The following AKAP13 variants were observed in gnomAD, a reference collection of about 807,000 sequenced individuals.
AKAP13 encodes A-kinase anchoring protein 13.
In AKAP13, 80 loss-of-function variants were observed where a neutral mutation model predicts 264.5. The ratio of observed to expected loss-of-function variants is 0.30; its 90% CI spans 0.25 to 0.36. The LOEUF (loss-of-function observed/expected upper bound fraction) is 0.36, where lower values mean the gene tolerates loss of function less well. Ranked by LOEUF, AKAP13 falls within the 10% of genes least tolerant of loss-of-function variation. AKAP13 has a pLI of 1.00. For synonymous variants in AKAP13, 1,380 were observed against 1,250.2 expected (o/e 1.10, Z -2.19); for missense variants, 3,712 against 3,435.2 (o/e 1.08, Z -2.01).
intron 16 of AKAP13, among the ~76,000 whole-genome samples, chr15:85,688,233 C>G (rs2085061262): frequency 6.6e-6 from 1 of 152,072 alleles, no homozygotes; most frequent in African/African-American, 2.4e-5. Flanking sequence ...TAATCTTGTT[C>G]TTAACTATTG....
Position 85,744,667 on chromosome 15 carries a change from T to C in AKAP13, c.8432T>C (p.Ile2811Thr). 6.2e-7 allele frequency: 1 copy of C among 1,609,618 alleles called. No homozygotes were observed. The highest frequency in any genetic ancestry group is 1.7e-5 in the Admixed American group (1 of 59,362). The change falls in exon 37 of 37, where the codon ATC (isoleucine) becomes ACC (threonine). Residue 2811 changes from isoleucine (I) to threonine (T), a missense_variant. By Grantham distance (89) the Ile-to-Thr change is moderately conservative. Around this residue, in one of 3 missense-constraint regions of AKAP13, gnomAD observed 611 missense variants for 539.3 expected, o/e 1.13. Coordinates refer to ENST00000394518, the MANE Select transcript of AKAP13 (RefSeq NM_007200.5). ...ASEVSAEGEEIFC is the reference protein window; with the variant it reads ...ASEVSAEGEETFC ...GAAGTATCAGCAGAGGGTGAAGAGA[T>C]CTTCTGCTGACCCTCTTCCTCTCTG...
At position 85,412,288 on chromosome 15, in the gene AKAP13, C is replaced by T. The variant is rs373823762; in HGVS notation, c.-12+31490C>T. Reference sequence around the variant, plus strand: ...TGGAAAAAGAATATTAACAACTATCCCAAAAGACTATTAAAATACTACTCC... The same window carrying T: ...TGGAAAAAGAATATTAACAACTATCTCAAAAGACTATTAAAATACTACTCC... On this transcript the variant is annotated intron_variant, in intron 1 of 36. Transcript: ENST00000394518. 1.5e-4 allele frequency among the ~76,000 whole-genome samples: 23 copies of T among 152,238 alleles called. No individual in the cohort carries two copies. In the South Asian group the frequency reaches 4.6e-3, roughly 30 times the overall value.
intron 1 of AKAP13, among the ~76,000 whole-genome samples, chr15:85,398,800 C>T (rs1021887293): frequency 6.6e-6 from 1 of 152,176 alleles, no homozygotes; most frequent in African/African-American, 2.4e-5. Flanking sequence ...AAGTGATCCA[C>T]GTGTTTCCGC....
At chr15:85,505,994 A>G (rs2076209570) in intron 2 of AKAP13, among the ~76,000 whole-genome samples, 1 of 152,164 alleles carries the variant, frequency 6.6e-6, no homozygotes, top group Non-Finnish European at 1.5e-5. Flanking sequence ...TTTAAGATGA[A>G]TTGTAGAAAG....
intron 8 of AKAP13, among the ~76,000 whole-genome samples, chr15:85,615,350 T>A (rs1367840436): frequency 6.6e-6 from 1 of 152,222 alleles, no homozygotes; most frequent in African/African-American, 2.4e-5. Context: ...AATCTTCAAA[T>A]CTGTATGTTA....
intron 14 of AKAP13, among the ~76,000 whole-genome samples, chr15:85,678,974 T>C (rs921654454): frequency 6.6e-6 from 1 of 152,030 alleles, no homozygotes; most frequent in Non-Finnish European, 1.5e-5. Context: ...GCACAGTGGC[T>C]CATGCCTGTA....
At chr15:85,619,766 G>C in intron 8 of AKAP13, 1 of 1,058,606 alleles carries the variant, frequency 9.4e-7, no homozygotes, top group Non-Finnish European at 1.1e-6. Context: ...TGGAAACGGT[G>C]TTTGCTTCTC....
intron 18 of AKAP13, among the ~76,000 whole-genome samples, chr15:85,710,018 A>G (rs1007817696): frequency 1.3e-5 from 2 of 152,272 alleles, no homozygotes; most frequent in East Asian, 1.9e-4. Flanking sequence ...GAAGTAACCT[A>G]TTTCTTCTAA....
chr15:85,524,573 T>G lies in AKAP13; in HGVS notation c.181+2998T>G, dbSNP rs537530959. Among the ~76,000 whole-genome samples, 21 of 152,336 alleles carry G rather than the reference T, an allele frequency of 1.4e-4. No homozygotes were observed. In the South Asian group the frequency reaches 4.3e-3, roughly 32 times the overall value. ...TCTCTGTATGTTTCACTGTGTGTTT[T>G]GTAACATTTTAGTTTTTCCTAAAAC... On this transcript the variant is annotated intron_variant, in intron 3 of 36. Transcript: ENST00000394518.
intron 1 of AKAP13, among the ~76,000 whole-genome samples, chr15:85,471,359 G>A (rs1043478732): frequency 3.3e-5 from 5 of 152,080 alleles, no homozygotes; most frequent in African/African-American, 1.2e-4. Flanking sequence ...GCCGGGTGTG[G>A]TGGCAGGTGC....
intron 8 of AKAP13, chr15:85,619,326 G>A (rs2081075289): frequency 1.0e-6 from 1 of 975,738 alleles, no homozygotes; most frequent in Non-Finnish European, 1.2e-6. Flanking sequence ...AAGGAAAAAG[G>A]GAGGAGGAGG....
At chr15:85,391,871 G>A (rs1370772061) in intron 1 of AKAP13, among the ~76,000 whole-genome samples, 1 of 151,742 alleles carries the variant, frequency 6.6e-6, no homozygotes, top group Non-Finnish European at 1.5e-5. Context: ...TGCAACCTCC[G>A]TCTCCCAGGT....
At chr15:85,640,725 CT>C (rs2082269746) in intron 9 of AKAP13, among the ~76,000 whole-genome samples, 1 of 152,072 alleles carries the variant, frequency 6.6e-6, no homozygotes, top group African/African-American at 2.4e-5. Context: ...CTGTTTGGGG[CT>C]TTTTCTAAAA....
Position 85,732,008 on chromosome 15 carries a change from A to T in AKAP13, c.7282+1301A>T, listed in dbSNP as rs1174761775. Reference sequence around the variant, plus strand: ...TGAGGCAGGAGAATCGCTTGAACCCAGGAAGCAGAGGTTGTAGTGAGCTGA... The same window carrying T: ...TGAGGCAGGAGAATCGCTTGAACCCTGGAAGCAGAGGTTGTAGTGAGCTGA... On this transcript the variant is annotated intron_variant, in intron 30 of 36. Coordinates refer to ENST00000394518, the MANE Select transcript of AKAP13 (RefSeq NM_007200.5). Among the ~76,000 whole-genome samples the T allele has an allele frequency of 3.3e-5, 5 of 150,150 alleles. No homozygotes were observed. In the East Asian group the frequency reaches 1.0e-3, roughly 30 times the overall value.
rs779436198 is a variant in AKAP13 at position 85,581,121 on chromosome 15, T to A, written c.3053T>A (p.Val1018Glu). 5.0e-6 allele frequency: 8 copies of A among 1,613,830 alleles called. No individual in the cohort carries two copies. The East Asian group carries it at 1.6e-4, about 31-fold the overall frequency. The change falls in exon 7 of 37, where the codon GTG (valine) becomes GAG (glutamate). Residue 1018 changes from valine (V) to glutamate (E), a missense_variant. Around this residue, in one of 3 missense-constraint regions of AKAP13, gnomAD observed 2,759 missense variants for 2,411.7 expected, o/e 1.14. Transcript: ENST00000394518. ...CAAGGTGGGGCTGCCCAGAGCCTGG[T>A]GCCACCAGGAGCAAGTCTGGCCACA... ...LTQGGAAQSL[V>E]PPGASLATES...
At chr15:85,736,378 C>T (rs1420085867) in intron 33 of AKAP13, among the ~76,000 whole-genome samples, 5 of 151,904 alleles carry the variant, frequency 3.3e-5, no homozygotes, top group South Asian at 2.1e-4. Context: ...GCCTTTGATT[C>T]GTTTCTTTGA....
chr15:85,572,080 AATT>A, intron 5 of AKAP13, among the ~76,000 whole-genome samples: 1 of 152,316 alleles, frequency 6.6e-6, no homozygotes, highest in East Asian at 1.9e-4. Flanking sequence ...ACAGTTTGAG[AATT>A]AAATTCTCAA....
At chr15:85,556,053 T>C (rs2078132236) in intron 5 of AKAP13, among the ~76,000 whole-genome samples, 1 of 152,308 alleles carries the variant, frequency 6.6e-6, no homozygotes, top group East Asian at 1.9e-4. Context: ...TTGTGGGTAG[T>C]GGAAGGAGGC....
chr15:85,631,279 G>A (rs1025021742), intron 8 of AKAP13, among the ~76,000 whole-genome samples: 1 of 152,086 alleles, frequency 6.6e-6, no homozygotes, highest in Non-Finnish European at 1.5e-5. Flanking sequence ...GGGGACAGGG[G>A]ATGGGGGTGA....
Sources: allele counts gnomAD v4.1 joint callset (sites outside exome capture counted in the v4.1 genomes callset), GRCh38; gene constraint gnomAD v4.1.1; regional missense constraint gnomAD v4.1.1; transcripts MANE v1.5; gene names NCBI Gene and HGNC (gene_info 2026-07-23, HGNC 2026-07-21).